The following SVIL variants were observed in gnomAD, a reference collection of about 807,000 sequenced individuals.
The protein encoded by SVIL is supervillin.
SVIL carries 101 observed loss-of-function variants against 240.4 expected under a neutral mutation model. The ratio of observed to expected loss-of-function variants is 0.42; its 90% CI spans 0.36 to 0.50. The LOEUF is 0.50. Ranked by LOEUF, SVIL falls within the 20% of genes least tolerant of loss-of-function variation. The pLI is 0.01. For synonymous variants in SVIL, 999 were observed against 1,100.0 expected (o/e 0.91, Z 1.82); for missense variants, 2,512 against 2,818.7 (o/e 0.89, Z 2.46).
In SVIL at chr10:29,525,528, C is replaced by T. The variant is rs959766640; in HGVS notation, c.2343-813G>A. Among the ~76,000 whole-genome samples, 7 of 152,218 alleles carry T rather than the reference C, an allele frequency of 4.6e-5. No homozygotes were observed. The South Asian group carries it at 6.2e-4, about 14-fold the overall frequency. On this transcript the variant is annotated intron_variant, in intron 13 of 37. Transcript: ENST00000355867. ...ACTCAGGAGGCTGAGGTGGGAGGAT[C>T]GCTTGAGCCTGTGAGGTAGAGGCTG...
Position 29,470,497 on chromosome 10 carries a change from CG to C in SVIL, c.5636-15del. 1 of 1,613,784 alleles carries C rather than the reference CG, an allele frequency of 6.2e-7. No individual in the cohort carries two copies. The highest frequency in any genetic ancestry group is 8.5e-7 in the Non-Finnish European group (1 of 1,179,982). On this transcript the variant is annotated splice_polypyrimidine_tract_variant and intron_variant, in intron 31 of 37. Transcript: ENST00000355867. ...GCCGCCACTCACCTGCAGGGGGCAC[CG>C]GCGGCGCGGAGGAGTTAGCACGTGA...
Position 29,495,174 on chromosome 10 carries a change from C to G in SVIL, c.3672G>C (p.Ala1224=), listed in dbSNP as rs780324327. 1 of 1,480,374 alleles carries G rather than the reference C, an allele frequency of 6.8e-7. No homozygotes were observed. The highest frequency in any genetic ancestry group is 2.3e-5 in the East Asian group (1 of 43,742). 91.7% of individuals were successfully genotyped at this position (1,480,374 alleles called of 1,614,324 possible). The change falls in exon 19 of 38, where the codon GCG becomes GCC. Residue 1224 remains alanine (A), a synonymous_variant. Coordinates refer to ENST00000355867, the MANE Select transcript of SVIL (RefSeq NM_021738.3). ...VAGRMVKKGL[A]SPTAITPVAS... ...CTACTGGGGTTATGGCAGTAGGTGA[C>G]GCCAAACCTGTGGAACACACAGACG...
At chr10:29,657,716 G>A (rs1485141614) in intron 3 of SVIL, among the ~76,000 whole-genome samples, 1 of 152,078 alleles carries the variant, frequency 6.6e-6, no homozygotes, top group African/African-American at 2.4e-5. Flanking sequence ...TTCATAAAGG[G>A]CACACTGGGA....
In SVIL at chr10:29,558,377, T is replaced by C. The variant is rs116052104; in HGVS notation, c.-50-3269A>G. Among the ~76,000 whole-genome samples, 1,138 of 152,280 alleles carry C rather than the reference T, an allele frequency of 7.5e-3. 17 individuals carry two copies. Among genetic ancestry groups the C allele is most frequent in the African/African-American group, 0.026 (1,077 of 41,554 alleles). ...CTTATTAATTCCTAGTGAAAATCTA[T>C]AGTGAATTTTAAAAGGAAAATAAAA... On this transcript the variant is annotated intron_variant, in intron 3 of 37. Coordinates refer to ENST00000355867, the MANE Select transcript of SVIL (RefSeq NM_021738.3).
At chr10:29,605,007 G>A (rs1956966971) in intron 1 of SVIL, among the ~76,000 whole-genome samples, 1 of 152,204 alleles carries the variant, frequency 6.6e-6, no homozygotes, top group Non-Finnish European at 1.5e-5. Context: ...ATAAGGGCGG[G>A]AATACTGTTA....
intron 29 of SVIL, among the ~76,000 whole-genome samples, chr10:29,478,367 G>A (rs1946435077): frequency 6.6e-6 from 1 of 152,208 alleles, no homozygotes; most frequent in African/African-American, 2.4e-5. Context: ...TCAGTGATGA[G>A]TATTTCCTGC....
intron 1 of SVIL, among the ~76,000 whole-genome samples, chr10:29,579,020 G>A (rs918636410): frequency 2.0e-5 from 3 of 152,214 alleles, no homozygotes; most frequent in African/African-American, 7.2e-5. Flanking sequence ...GAAACTGGAA[G>A]TATCTTATTA....
chr10:29,531,007 C>T (rs1420284538), intron 10 of SVIL, among the ~76,000 whole-genome samples: 1 of 152,170 alleles, frequency 6.6e-6, no homozygotes, highest in East Asian at 1.9e-4. Context: ...AGAACCTGCT[C>T]CTTTGGTTTG....
intron 3 of SVIL, among the ~76,000 whole-genome samples, chr10:29,647,692 C>A (rs549601510): frequency 6.6e-6 from 1 of 151,610 alleles, no homozygotes; most frequent in African/African-American, 2.4e-5. Flanking sequence ...CAGAGAAGTA[C>A]AAAGGTGTAT....
intron 2 of SVIL, among the ~76,000 whole-genome samples, chr10:29,677,386 C>T (rs955496072): frequency 1.3e-5 from 2 of 152,138 alleles, no homozygotes; most frequent in African/African-American, 4.8e-5. Flanking sequence ...ATGACCTAGC[C>T]CTGAATGCTG....
At chr10:29,629,311 C>T (rs561818402) in intron 1 of SVIL, among the ~76,000 whole-genome samples, 52 of 152,190 alleles carry the variant, frequency 3.4e-4, no homozygotes, top group African/African-American at 1.1e-3. Flanking sequence ...AAGCCCCCTT[C>T]GAGTCCCGCA....
chr10:29,549,846 G>A (rs543152010), intron 6 of SVIL, among the ~76,000 whole-genome samples: 110 of 124,986 alleles, frequency 8.8e-4, no homozygotes, highest in Non-Finnish European at 1.5e-3. Context: ...CACAGGAAGG[G>A]GAACATCACA....
chr10:29,528,477 G>A (rs1951098541), intron 12 of SVIL, among the ~76,000 whole-genome samples: 1 of 152,112 alleles, frequency 6.6e-6, no homozygotes, highest in South Asian at 2.1e-4. Context: ...AGTGGCTCAC[G>A]CCTGTAGCTC....
chr10:29,631,419 A>C (rs1262527369), intron 1 of SVIL, among the ~76,000 whole-genome samples: 5 of 101,542 alleles, frequency 4.9e-5, no homozygotes, highest in African/African-American at 1.4e-4. Flanking sequence ...CGAGGTGGGC[A>C]GATCATGAGG....
At chr10:29,490,599 A>C (rs922794021) in intron 22 of SVIL, among the ~76,000 whole-genome samples, 4 of 146,706 alleles carry the variant, frequency 2.7e-5, no homozygotes, top group Non-Finnish European at 4.6e-5. Flanking sequence ...AAAAAAAAAA[A>C]AAAACCAAAC....
Position 29,484,919 on chromosome 10 carries a change from G to A in SVIL, c.4780-88C>T. The A allele has an allele frequency of 7.3e-7, 1 of 1,362,282 alleles. No homozygotes were observed. The allele number at this position is 1,362,282 out of a possible 1,614,324, so 84.4% of individuals were successfully genotyped here. On this transcript the variant is annotated intron_variant, in intron 26 of 37. Coordinates refer to ENST00000355867, the MANE Select transcript of SVIL (RefSeq NM_021738.3). This position sits in a 1 kb window ranked among gnomAD's most constrained non-coding sequence, Gnocchi z 4.7. Reference sequence around the variant, plus strand: ...CAACAGGGTCTCTTGTTGACAGTGAGTCAAACGGAGGAAGACAGAAATCCT... The same window carrying A: ...CAACAGGGTCTCTTGTTGACAGTGAATCAAACGGAGGAAGACAGAAATCCT...
rs561297578 is a variant in SVIL, at chr10:29,545,193, G to A, written c.827+5404C>T. On this transcript the variant is annotated intron_variant, in intron 6 of 37. Transcript: ENST00000355867. Reference sequence around the variant, plus strand: ...TTTTTAGACTAAAATCTCTCATCAGGAGATGAGCAAATGCAATCAGAAATA... The same window carrying A: ...TTTTTAGACTAAAATCTCTCATCAGAAGATGAGCAAATGCAATCAGAAATA... 425 of 472,422 alleles carry A rather than the reference G, an allele frequency of 9.0e-4. 11 individuals are homozygous for A. The highest frequency in any genetic ancestry group is 4.0e-3 in the Middle Eastern group (9 of 2,254). The allele number at this position is 472,422 out of a possible 1,614,324, so 29.3% of individuals were successfully genotyped here.
chr10:29,516,455 G>C (rs1031901613), intron 16 of SVIL, among the ~76,000 whole-genome samples: 24 of 152,318 alleles, frequency 1.6e-4, no homozygotes, highest in African/African-American at 2.6e-4. Context: ...ACGCTGAGGA[G>C]GGAGGGAGAT....
intron 1 of SVIL, chr10:29,697,834 C>CA (rs1209323589): frequency 6.9e-5 from 19 of 273,896 alleles, no homozygotes; most frequent in Non-Finnish European, 1.1e-4. Context: ...ACAACAACAA[C>CA]AAAAAAAAGT....
Sources: allele counts gnomAD v4.1 joint callset (sites outside exome capture counted in the v4.1 genomes callset), GRCh38; gene constraint gnomAD v4.1.1; non-coding constraint Gnocchi (gnomAD v3.1); transcripts MANE v1.5; gene names NCBI Gene and HGNC (gene_info 2026-07-23, HGNC 2026-07-21).